Variants in OS9 observed in about 807,000 individuals in gnomAD.
OS9 encodes OS9 endoplasmic reticulum lectin.
In OS9, 58 loss-of-function variants were observed where a neutral mutation model predicts 84.7. That is an observed-to-expected ratio of 0.68 (90% CI 0.55 to 0.85). The LOEUF (loss-of-function observed/expected upper bound fraction) is 0.85, where lower values mean the gene tolerates loss of function less well. Ranked by LOEUF, OS9 falls within the 40% of genes least tolerant of loss-of-function variation. The pLI is 0.00. For missense variants in OS9, 760 were observed against 850.9 expected, an observed-to-expected ratio of 0.89 and a Z score of 1.33; for synonymous variants, 278 against 320.8, an observed-to-expected ratio of 0.87 and a Z score of 1.43.
At chr12:57,720,618 C>T in intron 14 of OS9, 100 bp downstream of exon 14, 5 of 1,274,498 alleles carry the variant, frequency 3.9e-6, no homozygotes, top group Non-Finnish European at 5.7e-6. Context: ...ATTTCCTGAT[C>T]TGTAAGACAA....
intron 5 of OS9, among the ~76,000 whole-genome samples, chr12:57,709,917 A>G (rs756353648): frequency 8.6e-5 from 13 of 151,704 alleles, no homozygotes; most frequent in Non-Finnish European, 1.8e-4. Flanking sequence ...CAGTGGCATG[A>G]TCTCGGCTCA....
Position 57,696,000 on chromosome 12 carries a change from T to G in OS9, c.442T>G (p.Tyr148Asp), listed in dbSNP as rs768955052. Reference sequence around the variant, plus strand: ...AGGTGAAGTCCTCTATCTCGGCTACTACCAATCAGCCTTCGACTGGGATGA... The same window carrying G: ...AGGTGAAGTCCTCTATCTCGGCTACGACCAATCAGCCTTCGACTGGGATGA... The part of the protein sequence containing the change: ...IKGEVLYLGY[Y>D]QSAFDWDDET... Residue 148 changes from tyrosine (Y) to aspartate (D), a missense_variant, in exon 4 of 15, where the codon TAC (tyrosine) becomes GAC (aspartate). Tyr to Asp is a radical substitution (Grantham distance 160). Transcript: ENST00000315970. 1.2e-6 allele frequency: 2 copies of G among 1,613,730 alleles called. No homozygotes were observed. The highest frequency in any genetic ancestry group is 3.3e-5 in the Admixed American group (2 of 60,026).
At position 57,703,737 on chromosome 12, in the gene OS9, C is replaced by T. The variant is rs528390738; in HGVS notation, c.579+7364C>T. Among the ~76,000 whole-genome samples the T allele has an allele frequency of 1.1e-4, 16 of 149,918 alleles. No individual in the cohort carries two copies. In the South Asian group the frequency reaches 3.4e-3, roughly 32 times the overall value. On this transcript the variant is annotated intron_variant, in intron 5 of 14. Transcript: ENST00000315970. ...ATATTGTTATGGATATTTGGGATCCCTGGACATTCCATGTGAATTTTAAGA... is the reference window on the plus strand; with the variant it reads ...ATATTGTTATGGATATTTGGGATCCTTGGACATTCCATGTGAATTTTAAGA...
chr12:57,696,118 T>G, intron 4 of OS9, 80 bp downstream of exon 4: 1 of 1,279,264 alleles, frequency 7.8e-7, no homozygotes, highest in Non-Finnish European at 1.1e-6. Context: ...GGGTCAAGAT[T>G]AGCTGATCTG....
chr12:57,700,099 G>GA (rs376559244), intron 5 of OS9, among the ~76,000 whole-genome samples: 1 of 149,200 alleles, frequency 6.7e-6, no homozygotes, highest in Non-Finnish European at 1.5e-5. Flanking sequence ...TCTCAAAAAA[G>GA]AAAAAAAAGA....
At chr12:57,695,001 G>A in intron 2 of OS9, 75 bp downstream of exon 2, 1 of 1,365,154 alleles carries the variant, frequency 7.3e-7, no homozygotes, top group Non-Finnish European at 1.0e-6. Context: ...TCCACTGAAT[G>A]AGGCAGGATC....
At position 57,696,365 on chromosome 12, in the gene OS9, G is replaced by T; in HGVS notation, c.571G>T (p.Glu191Ter). ...CCTTAATGGGAGGCCCCGGGAGGCC[G>T]AGGTTCGGGTGAGTCTTGAGAGAGG... Reference protein sequence around the residue: ...CDLNGRPREAEVRFLCDEGAG... With the variant: ...CDLNGRPREA The change falls in exon 5 of 15, where the codon GAG becomes TAG. Residue 191 changes from glutamate (E) to a stop codon, truncating the protein, a stop_gained. Coordinates refer to ENST00000315970, the MANE Select transcript of OS9 (RefSeq NM_006812.4). LOFTEE classifies it high-confidence loss of function. The T allele has an allele frequency of 6.2e-7, 1 of 1,606,274 alleles. No homozygotes were observed. Among genetic ancestry groups the T allele is most frequent in the Non-Finnish European group, 8.5e-7 (1 of 1,175,146 alleles).
rs764262224 is a variant in OS9, at chr12:57,715,955, G to A, written c.775G>A (p.Val259Ile). ...ACAGCCTGAGGAGTACATGGCCTAC[G>A]TTCAGAGGCAAGCCGGTGAGTAATT... ...SLQPEEYMAY[V>I]QRQADSKQYG... The change falls in exon 6 of 15, where the codon GTT becomes ATT. Residue 259 changes from valine to isoleucine, a missense_variant. By Grantham distance (29) the Val-to-Ile change is conservative. Transcript: ENST00000315970. 4 of 1,611,968 alleles carry A rather than the reference G, an allele frequency of 2.5e-6. No homozygotes were observed. Among genetic ancestry groups the A allele is most frequent in the Admixed American group, 1.7e-5 (1 of 59,898 alleles).
intron 5 of OS9, among the ~76,000 whole-genome samples, chr12:57,712,352 T>C (rs1430384857): frequency 6.6e-6 from 1 of 152,172 alleles, no homozygotes; most frequent in Non-Finnish European, 1.5e-5. Context: ...AGTTTTCTTT[T>C]GATTTTTTTC....
intron 1 of OS9, 143 bp from the exon 2 acceptor site, chr12:57,694,607 C>A: frequency 2.3e-6 from 2 of 857,116 alleles, no homozygotes; most frequent in Non-Finnish European, 3.8e-6. Flanking sequence ...TCTCCTCTCA[C>A]CCACTAAATA....
intron 9 of OS9, 51 bp from the exon 10 acceptor site, chr12:57,717,819 A>AT: frequency 3.2e-6 from 3 of 931,474 alleles, no homozygotes; most frequent in Non-Finnish European, 4.7e-6. Flanking sequence ...AAAAAAAAAA[A>AT]GAATTTAAAC....
In OS9 at chr12:57,715,774, G is replaced by A; in HGVS notation, c.594G>A (p.Glu198=). The A allele has an allele frequency of 6.2e-7, 1 of 1,607,094 alleles. No individual in the cohort carries two copies. Among genetic ancestry groups the A allele is most frequent in the Non-Finnish European group, 8.5e-7 (1 of 1,176,202 alleles). The change falls in exon 6 of 15, where the codon GAG becomes GAA. Residue 198 remains glutamate, a synonymous_variant. Transcript: ENST00000315970. ...REAEVRFLCD[E]GAGISGDYID... is the part of the protein sequence containing the mutation. ...TGTCCTGGCAGTTCCTCTGTGACGAGGGTGCAGGTATCTCTGGGGACTACA... is the reference window on the plus strand; with the variant it reads ...TGTCCTGGCAGTTCCTCTGTGACGAAGGTGCAGGTATCTCTGGGGACTACA...
chr12:57,694,532 C>T (rs1953766379), intron 1 of OS9, among the ~76,000 whole-genome samples: 2 of 152,122 alleles, frequency 1.3e-5, no homozygotes, highest in African/African-American at 2.4e-5. Context: ...CCGCTGTCAA[C>T]CTTCAGGTCT....
At position 57,696,046 on chromosome 12, in the gene OS9, G is replaced by A. The variant is rs1354930029; in HGVS notation, c.480+8G>A. On this transcript the variant is annotated splice_region_variant and intron_variant, in intron 4 of 14. Transcript: ENST00000315970. ...GATGATGAAACAGCCAAGGTGGCAA[G>A]AGTGTGGGATTCAGGAAGAAAGGGT... 1 of 1,606,224 alleles carries A rather than the reference G, an allele frequency of 6.2e-7. No individual in the cohort carries two copies. Among genetic ancestry groups the A allele is most frequent in the South Asian group, 1.1e-5 (1 of 90,922 alleles).
intron 8 of OS9, 57 bp from the exon 9 acceptor site, chr12:57,716,636 A>G: frequency 1.9e-5 from 29 of 1,565,796 alleles, no homozygotes; most frequent in Non-Finnish European, 2.4e-5. Flanking sequence ...TTGCCTTCAT[A>G]GTATGGAGGG....
At position 57,716,874 on chromosome 12, in the gene OS9, G is replaced by A; in HGVS notation, c.1045+130G>A. On this transcript the variant is annotated intron_variant, in intron 9 of 14. Coordinates refer to ENST00000315970, the MANE Select transcript of OS9 (RefSeq NM_006812.4). ...CGGCAGAAAATTCATTTTTATAGGA[G>A]TTAATACTCTTTGTAGACAGCACTG... 3 of 753,086 alleles carry A rather than the reference G, an allele frequency of 4.0e-6. No homozygotes were observed. In the South Asian group the frequency reaches 4.5e-5, roughly 11 times the overall value. The allele number at this position is 753,086 out of a possible 1,614,324, so 46.7% of individuals were successfully genotyped here. A position where few individuals can be genotyped will look rare whatever the true frequency, so the allele number is the denominator to read the frequency against.
chr12:57,706,947 GATTTA>G (rs1954187990), intron 5 of OS9, among the ~76,000 whole-genome samples: 1 of 150,828 alleles, frequency 6.6e-6, no homozygotes. Flanking sequence ...TGTTGCTACT[GATTTA>G]ATTTATTTAA....
chr12:57,718,351 CA>C lies in OS9; in HGVS notation c.1341del (p.Asp448ThrfsTer9), dbSNP rs1419803234. 6.2e-7 allele frequency: 1 copy of C among 1,614,226 alleles called. No homozygotes were observed. The highest frequency in any genetic ancestry group is 8.5e-7 in the Non-Finnish European group (1 of 1,180,040). On this transcript the variant is annotated frameshift_variant, in exon 11 of 15. Transcript: ENST00000315970. LOFTEE classifies it high-confidence loss of function. ...GAACTGGAAGGGATCCTGCTTCCGT[CA>C]GACCGAGACCGGCTCCGTTCGGAGG... ...EKELEGILLP[S>X]DRDRLRSEVK...
intron 11 of OS9, 135 bp from the exon 12 acceptor site, chr12:57,718,858 C>G (rs1215741172): frequency 1.5e-6 from 1 of 676,546 alleles, no homozygotes; most frequent in African/African-American, 1.8e-5. Flanking sequence ...TGAGCCGAGA[C>G]GGCACCACTG....
Sources: gnomAD v4.1 joint callset for allele counts (sites outside exome capture counted in the v4.1 genomes callset) on GRCh38, gnomAD v4.1.1 for gene constraint, MANE v1.5 for transcripts, NCBI Gene and HGNC (gene_info 2026-07-23, HGNC 2026-07-21) for gene names.